The following SCG3 variants were observed in gnomAD, a reference collection of about 807,000 sequenced individuals.
The protein encoded by SCG3 is secretogranin-3.
Under a neutral mutation model 56.2 loss-of-function variants are expected in SCG3, and 38 were observed. That is an observed-to-expected ratio of 0.68 (90% CI 0.52 to 0.89). The LOEUF is 0.89. Among genes scored for constraint, SCG3 ranks in the 40% least tolerant of loss-of-function variants. The probability of loss-of-function intolerance (pLI) is 0.00; values close to 1 mark genes in which losing one functional copy is unlikely to be tolerated. For missense variants in SCG3, 524 were observed against 540.7 expected (o/e 0.97, Z 0.31); for synonymous variants, 176 against 184.2 (o/e 0.96, Z 0.36).
chr15:51,704,091 A>G (rs1298658031), intron 10 of SCG3, among the ~76,000 whole-genome samples: 1 of 151,692 alleles, frequency 6.6e-6, no homozygotes, highest in Non-Finnish European at 1.5e-5. Flanking sequence ...CCTGAGCAAG[A>G]GTAGGCAGAA....
intron 11 of SCG3, among the ~76,000 whole-genome samples, chr15:51,717,548 G>GA (rs57734697): frequency 0.98 from 146,242 of 149,348 alleles, 71,638 homozygotes; most frequent in Non-Finnish European, 1. Context: ...AAGAAAAAAA[G>GA]AAAAAAAAAG....
At chr15:51,687,615 C>T (rs1449503890) in intron 4 of SCG3, among the ~76,000 whole-genome samples, 1 of 152,164 alleles carries the variant, frequency 6.6e-6, no homozygotes, top group Non-Finnish European at 1.5e-5. Flanking sequence ...GTTTAAATTC[C>T]GGGCACATAA....
intron 2 of SCG3, 134 bp from the exon 3 acceptor site, chr15:51,682,945 T>C: frequency 1.5e-6 from 1 of 672,334 alleles, no homozygotes; most frequent in Non-Finnish European, 2.5e-6. Context: ...ATAACAGTGC[T>C]CTGAAATAGG....
At chr15:51,694,828 C>T (rs961400378) in intron 7 of SCG3, among the ~76,000 whole-genome samples, 1 of 152,052 alleles carries the variant, frequency 6.6e-6, no homozygotes, top group Non-Finnish European at 1.5e-5. Flanking sequence ...GTCAGGAGAT[C>T]GAGACCATCC....
In SCG3 at chr15:51,719,678, A is replaced by G. The variant is rs1157311669; in HGVS notation, c.*152A>G. Reference sequence around the variant, plus strand: ...TTAACCTTTTACAAGTGGTTAAAACATAGCTTTCTTCCCGTAAAAACTATC... The same window carrying G: ...TTAACCTTTTACAAGTGGTTAAAACGTAGCTTTCTTCCCGTAAAAACTATC... On this transcript the variant is annotated 3_prime_UTR_variant, in exon 12 of 12. Coordinates refer to ENST00000220478, the MANE Select transcript of SCG3 (RefSeq NM_013243.4). The G allele has an allele frequency of 6.9e-6, 4 of 576,262 alleles. No individual in the cohort carries two copies. The highest frequency in any genetic ancestry group is 1.2e-5 in the Non-Finnish European group (4 of 327,980). 35.7% of individuals were successfully genotyped at this position (576,262 alleles called of 1,614,324 possible). A position where few individuals can be genotyped will look rare whatever the true frequency, so the allele number is the denominator to read the frequency against.
chr15:51,719,249 G>A (rs1054541189), intron 11 of SCG3, among the ~76,000 whole-genome samples, 159 bp from the exon 12 acceptor site: 1 of 152,222 alleles, frequency 6.6e-6, no homozygotes, highest in Non-Finnish European at 1.5e-5. Flanking sequence ...ATACTGCAAA[G>A]TACTACACAA....
chr15:51,699,276 C>T (rs746824504), intron 8 of SCG3, 43 bp from the exon 9 acceptor site: 2 of 1,399,810 alleles, frequency 1.4e-6, no homozygotes, highest in African/African-American at 1.4e-5. Context: ...TTGATGTCAT[C>T]TCTCAGGGAA....
Position 51,682,965 on chromosome 15 carries a change from C to T in SCG3, c.136-114C>T, listed in dbSNP as rs953509244. 7 of 807,518 alleles carry T rather than the reference C, an allele frequency of 8.7e-6. No homozygotes were observed. The South Asian group carries it at 9.6e-5, about 11-fold the overall frequency. 50.0% of individuals were successfully genotyped at this position (807,518 alleles called of 1,614,324 possible). On this transcript the variant is annotated intron_variant, in intron 2 of 11. Transcript: ENST00000220478. ...AGTGCTCTGAAATAGGAATTATCCA[C>T]ATTTTACAAACAAGACAATTAAATC...
Position 51,704,751 on chromosome 15 carries a change from G to C in SCG3, c.1207+3507G>C, listed in dbSNP as rs181258259. On this transcript the variant is annotated intron_variant, in intron 10 of 11. Coordinates refer to ENST00000220478, the MANE Select transcript of SCG3 (RefSeq NM_013243.4). ...CTTGGGTTGCTTCTACCTTTTGGCT[G>C]TTGTGAGTAATACATATATATATAT... Among the ~76,000 whole-genome samples, 361 of 66,376 alleles carry C rather than the reference G, an allele frequency of 5.4e-3. 7 individuals are homozygous for C. Among genetic ancestry groups the C allele is most frequent in the African/African-American group, 0.015 (352 of 23,018 alleles). 43.5% of individuals were successfully genotyped at this position (66,376 alleles called of 152,430 possible).
At chr15:51,682,867 A>G (rs1304635129) in intron 2 of SCG3, among the ~76,000 whole-genome samples, 1 of 152,188 alleles carries the variant, frequency 6.6e-6, no homozygotes, top group Non-Finnish European at 1.5e-5. Context: ...CTCTTTCAAC[A>G]ATATTATAGG....
At chr15:51,709,699 A>ATGTTTTTTTTTTT (rs2055404198) in intron 10 of SCG3, among the ~76,000 whole-genome samples, 1 of 18,434 alleles carries the variant, frequency 5.4e-5, no homozygotes, top group Non-Finnish European at 8.8e-5. Flanking sequence ...ATATATATAT[A>ATGTTTTTTTTTTT]TATTTTTTTT....
At chr15:51,702,333 T>C (rs978352841) in intron 10 of SCG3, among the ~76,000 whole-genome samples, 11 of 152,198 alleles carry the variant, frequency 7.2e-5, no homozygotes, top group Non-Finnish European at 4.4e-5. Context: ...CTCAGCTCAC[T>C]GCAACCTCCA....
chr15:51,709,128 T>C (rs2141577726), intron 10 of SCG3, among the ~76,000 whole-genome samples: 1 of 152,266 alleles, frequency 6.6e-6, no homozygotes, highest in South Asian at 2.1e-4. Flanking sequence ...CTTATAATCA[T>C]GGCGGAAGGG....
At chr15:51,714,161 T>C (rs753127353) in intron 11 of SCG3, among the ~76,000 whole-genome samples, 2 of 151,718 alleles carry the variant, frequency 1.3e-5, no homozygotes, top group Non-Finnish European at 2.9e-5. Context: ...CCAGGAACAG[T>C]GGATGTTTGT....
chr15:51,684,513 G>A (rs2055215779), intron 4 of SCG3, among the ~76,000 whole-genome samples: 1 of 152,158 alleles, frequency 6.6e-6, no homozygotes, highest in South Asian at 2.1e-4. Context: ...GGAGACAAGG[G>A]CTGCAGTGAG....
intron 10 of SCG3, among the ~76,000 whole-genome samples, chr15:51,701,710 A>G (rs1474664284): frequency 6.6e-6 from 1 of 152,226 alleles, no homozygotes; most frequent in Non-Finnish European, 1.5e-5. Context: ...GTTTGAGACC[A>G]GCCTGGGCAA....
intron 7 of SCG3, chr15:51,693,620 C>T (rs1008603714): frequency 3.9e-5 from 6 of 152,150 alleles, no homozygotes; most frequent in Non-Finnish European, 7.4e-5. Flanking sequence ...CTTTTTCTTT[C>T]CCTGTTCAAG....
intron 5 of SCG3, 62 bp downstream of exon 5, chr15:51,688,464 C>A: frequency 6.6e-7 from 1 of 1,512,158 alleles, no homozygotes; most frequent in Non-Finnish European, 9.0e-7. Context: ...GCCAAGAAGC[C>A]AAGTCACTTG....
In SCG3 at chr15:51,681,697, C is replaced by A; in HGVS notation, c.-59C>A. ...TTTTACTCCTCCTTTTCATTCATAA[C>A]AAAAGCTACAGCTCCAGGAGCCCAG... On this transcript the variant is annotated 5_prime_UTR_variant, in exon 1 of 12. Coordinates refer to ENST00000220478, the MANE Select transcript of SCG3 (RefSeq NM_013243.4). 1.0e-6 allele frequency: 1 copy of A among 975,568 alleles called. No individual in the cohort carries two copies. The highest frequency in any genetic ancestry group is 1.5e-6 in the Non-Finnish European group (1 of 672,270). 60.4% of individuals were successfully genotyped at this position (975,568 alleles called of 1,614,324 possible).
Sources: gnomAD v4.1 joint callset for allele counts (sites outside exome capture counted in the v4.1 genomes callset) on GRCh38, gnomAD v4.1.1 for gene constraint, MANE v1.5 for transcripts, NCBI Gene and HGNC (gene_info 2026-07-23, HGNC 2026-07-21) for gene names.